The following TBX19 variants were observed in gnomAD, a reference collection of about 807,000 sequenced individuals.
The protein encoded by TBX19 is T-box transcription factor TBX19.
Under a neutral mutation model 40.9 loss-of-function variants are expected in TBX19, and 33 were observed. The ratio of observed to expected loss-of-function variants is 0.81; its 90% CI spans 0.61 to 1.08. The LOEUF (loss-of-function observed/expected upper bound fraction) is 1.08. Ranked by LOEUF, TBX19 falls within the 50% of genes least tolerant of loss-of-function variation. The pLI is 0.00. For missense variants in TBX19, 494 were observed against 574.0 expected, an observed-to-expected ratio of 0.86 and a Z score of 1.42; for synonymous variants, 220 against 225.0, an observed-to-expected ratio of 0.98 and a Z score of 0.20.
intron 3 of TBX19, 70 bp from the exon 4 acceptor site, chr1:168,297,654 A>G (rs1404459413): frequency 7.1e-7 from 1 of 1,406,782 alleles, no homozygotes. Context: ...GGTTTTACAG[A>G]AGACAAAGGG....
chr1:168,291,639 T>G (rs1352833503), intron 2 of TBX19, among the ~76,000 whole-genome samples: 3 of 152,024 alleles, frequency 2.0e-5, no homozygotes, highest in African/African-American at 7.3e-5. Flanking sequence ...GTTAAGAGAG[T>G]GAGAGAGCAG....
intron 7 of TBX19, among the ~76,000 whole-genome samples, chr1:168,310,297 CAAAAAAA>C (rs35774547): frequency 9.9e-5 from 12 of 121,228 alleles, no homozygotes; most frequent in African/African-American, 3.7e-4. Flanking sequence ...ACTCTGCCTC[CAAAAAAA>C]AAAAAAGGAT....
At chr1:168,302,695 CA>C (rs3835597) in intron 5 of TBX19, among the ~76,000 whole-genome samples, 12 of 150,632 alleles carry the variant, frequency 8.0e-5, no homozygotes, top group East Asian at 5.8e-4. Flanking sequence ...ACCCCAAAAC[CA>C]AAAAAAAACC....
chr1:168,286,491 C>G (rs569806990), intron 1 of TBX19, among the ~76,000 whole-genome samples: 2 of 152,328 alleles, frequency 1.3e-5, no homozygotes, highest in South Asian at 4.1e-4. Flanking sequence ...AATATGTGGT[C>G]CTTTGTCAAC....
intron 1 of TBX19, among the ~76,000 whole-genome samples, chr1:168,289,125 A>G (rs1415446956): frequency 6.6e-6 from 1 of 152,240 alleles, no homozygotes; most frequent in African/African-American, 2.4e-5. Flanking sequence ...CCATGTCTCC[A>G]TATACCTCGT....
intron 5 of TBX19, among the ~76,000 whole-genome samples, chr1:168,303,310 C>G (rs545212597): frequency 1.3e-5 from 2 of 152,082 alleles, no homozygotes; most frequent in Non-Finnish European, 2.9e-5. Flanking sequence ...TTTGTCCTTG[C>G]GATAGTTTGC....
intron 1 of TBX19, among the ~76,000 whole-genome samples, chr1:168,289,914 C>T (rs1460110322): frequency 6.6e-6 from 1 of 152,140 alleles, no homozygotes; most frequent in Non-Finnish European, 1.5e-5. Context: ...TAAATAGAGG[C>T]CAAGCATGGT....
rs762624190 is a variant in TBX19 at position 168,313,025 on chromosome 1, G to T, written c.*23G>T. The T allele has an allele frequency of 6.2e-7, 1 of 1,613,698 alleles. No individual in the cohort carries two copies. The highest frequency in any genetic ancestry group is 1.1e-5 in the South Asian group (1 of 91,052). On this transcript the variant is annotated 3_prime_UTR_variant, in exon 8 of 8. Coordinates refer to ENST00000367821, the MANE Select transcript of TBX19 (RefSeq NM_005149.3). Reference sequence around the variant, plus strand: ...TAAGCAGGATCCTAGGAGCCTCTTTGCACAGCGATCCTTCCATGTGTAGAG... The same window carrying T: ...TAAGCAGGATCCTAGGAGCCTCTTTTCACAGCGATCCTTCCATGTGTAGAG...
intron 6 of TBX19, among the ~76,000 whole-genome samples, chr1:168,307,673 C>G (rs904316042): frequency 1.3e-5 from 2 of 152,128 alleles, no homozygotes; most frequent in African/African-American, 4.8e-5. Context: ...CCTTCTTCCT[C>G]TCTCTTATTT....
intron 4 of TBX19, among the ~76,000 whole-genome samples, chr1:168,298,897 T>TTC (rs373554389): frequency 3.0e-4 from 31 of 103,944 alleles, no homozygotes; most frequent in East Asian, 1.5e-3. Flanking sequence ...CTTTCTTTCT[T>TTC]TCTCTCTCTC....
chr1:168,280,887 C>T lies in TBX19; in HGVS notation c.-204C>T, dbSNP rs534144943. On this transcript the variant is annotated 5_prime_UTR_variant, in exon 1 of 8. Coordinates refer to ENST00000367821, the MANE Select transcript of TBX19 (RefSeq NM_005149.3). ...CTCTCCCCTGCCTCCACCCCGCTCCCCAACTAAAGCTTAACAGGTTGGTGG... is the reference window on the plus strand; with the variant it reads ...CTCTCCCCTGCCTCCACCCCGCTCCTCAACTAAAGCTTAACAGGTTGGTGG... Among the ~76,000 whole-genome samples, 9 of 152,290 alleles carry T rather than the reference C, an allele frequency of 5.9e-5. No individual in the cohort carries two copies. Among genetic ancestry groups the T allele is most frequent in the South Asian group, 4.1e-4 (2 of 4,830 alleles).
intron 3 of TBX19, among the ~76,000 whole-genome samples, chr1:168,295,284 T>C (rs76922350): frequency 0.12 from 18,880 of 151,796 alleles, 2,724 homozygotes; most frequent in African/African-American, 0.36. Context: ...GAGCAAGACT[T>C]GGTCTCAGGA....
chr1:168,288,593 T>G (rs1648860764), intron 1 of TBX19, among the ~76,000 whole-genome samples: 1 of 152,174 alleles, frequency 6.6e-6, no homozygotes, highest in Admixed American at 6.5e-5. Flanking sequence ...AAGTCAGAAC[T>G]TTATGAAACA....
chr1:168,299,332 G>T (rs948363029), intron 4 of TBX19, among the ~76,000 whole-genome samples: 11 of 152,038 alleles, frequency 7.2e-5, no homozygotes, highest in African/African-American at 2.4e-4. Flanking sequence ...AGATTTTATT[G>T]CTTGAGTTTC....
intron 4 of TBX19, among the ~76,000 whole-genome samples, chr1:168,299,475 A>ATAT (rs776932140): frequency 7.6e-4 from 116 of 152,066 alleles, no homozygotes; most frequent in Non-Finnish European, 9.7e-4. Context: ...ATATTTGAAT[A>ATAT]TATTATTATT....
In TBX19 at chr1:168,284,690, A is replaced by T. The variant is rs181585877; in HGVS notation, c.203+3397A>T. 2.7e-5 allele frequency among the ~76,000 whole-genome samples: 4 copies of T among 145,608 alleles called. No homozygotes were observed. The East Asian group carries it at 8.2e-4, about 30-fold the overall frequency. ...ACTTGGGAGGCTGAGGTGGGAGATC[A>T]CCTGACCCTGGGGAGGTCAAGGTTG... On this transcript the variant is annotated intron_variant, in intron 1 of 7. Transcript: ENST00000367821.
At chr1:168,311,913 G>A (rs1010560672) in intron 7 of TBX19, among the ~76,000 whole-genome samples, 2 of 152,144 alleles carry the variant, frequency 1.3e-5, no homozygotes, top group African/African-American at 4.8e-5. Flanking sequence ...GGGGAGTGGG[G>A]TGAGAGTGGG....
intron 4 of TBX19, among the ~76,000 whole-genome samples, chr1:168,299,019 T>C (rs761910364): frequency 1.7e-4 from 26 of 150,320 alleles, no homozygotes; most frequent in Non-Finnish European, 3.4e-4. Flanking sequence ...GTGCAAGCGA[T>C]TCTCATGTCT....
intron 5 of TBX19, among the ~76,000 whole-genome samples, chr1:168,300,808 G>T (rs1352412308): frequency 6.6e-6 from 1 of 152,208 alleles, no homozygotes; most frequent in African/African-American, 2.4e-5. Context: ...CGTTATGCTT[G>T]CCACTCTGGT....
Sources: gnomAD v4.1 joint callset for allele counts (sites outside exome capture counted in the v4.1 genomes callset) on GRCh38, gnomAD v4.1.1 for gene constraint, MANE v1.5 for transcripts, NCBI Gene and HGNC (gene_info 2026-07-23, HGNC 2026-07-21) for gene names.